PRPF8: variants seen among roughly 807,000 people sequenced by gnomAD.
PRPF8 encodes pre-mRNA processing factor 8, also known as pre-mRNA-processing-splicing factor 8.
Under a neutral mutation model 285.9 loss-of-function variants are expected in PRPF8, and 64 were observed. That is an observed-to-expected ratio of 0.22 (90% confidence interval 0.18 to 0.28). The LOEUF is 0.28. PRPF8 is among the 10% of genes least tolerant of loss of function. The probability of loss-of-function intolerance (pLI) is 1.00; values close to 1 mark genes in which losing one functional copy is unlikely to be tolerated. For synonymous variants in PRPF8, 1,325 were observed against 1,118.2 expected, an observed-to-expected ratio of 1.18 and a Z score of -3.69; for missense variants, 1,426 against 3,026.7, an observed-to-expected ratio of 0.47 and a Z score of 12.41.
rs1912809696 is a variant in PRPF8, at chr17:1,679,788, T to C, written c.1110A>G (p.Pro370=). 1 of 1,614,150 alleles carries C rather than the reference T, an allele frequency of 6.2e-7. No homozygotes were observed. Among genetic ancestry groups the C allele is most frequent in the Non-Finnish European group, 8.5e-7 (1 of 1,180,038 alleles). ...SHRHSVKSQE[P]LPDDDEEFEL... ...CAAATTCCTCATCATCATCCGGCAA[T>C]GGTTCCTGGCTCTGAAAAAGGAATC... The change falls in exon 9 of 43, where the codon CCA becomes CCG. Residue 370 remains proline (P), a synonymous_variant. Coordinates refer to ENST00000304992, the MANE Select transcript of PRPF8 (RefSeq NM_006445.4). This position sits in a 1 kb window ranked among gnomAD's most constrained non-coding sequence, Gnocchi z 4.7.
rs1050576319 is a variant in PRPF8 at position 1,659,120 on chromosome 17, G to T, written c.5138+237C>A. The T allele has an allele frequency of 2.9e-5, 19 of 645,192 alleles. No homozygotes were observed. Among genetic ancestry groups the T allele is most frequent in the Non-Finnish European group, 4.7e-5 (17 of 362,384 alleles). 40.0% of individuals were successfully genotyped at this position (645,192 alleles called of 1,614,324 possible). A position where few individuals can be genotyped will look rare whatever the true frequency, so the allele number is the denominator to read the frequency against. On this transcript the variant is annotated intron_variant, in intron 32 of 42. Transcript: ENST00000304992. The surrounding 1 kb of genome is among the most constrained non-coding windows in gnomAD (Gnocchi z 5.1). ...GGTTCACTGCAAGCTCCGCCTCCCG[G>T]GTTCAAGTAATTCTCCCACCTCAAC...
rs371623663 is a variant in PRPF8, at chr17:1,680,839, G to C, written c.993-8C>G. The C allele has an allele frequency of 6.2e-7, 1 of 1,613,854 alleles. No homozygotes were observed. The highest frequency in any genetic ancestry group is 1.3e-5 in the African/African-American group (1 of 74,902). On this transcript the variant is annotated splice_polypyrimidine_tract_variant and splice_region_variant and intron_variant, in intron 7 of 42. Transcript: ENST00000304992. ...ACATTGGGAGTATGGTACCTAAAAT[G>C]AAAGGAAGAGTCAGCCAAAGTTTTC...
Position 1,683,685 on chromosome 17 carries a change from T to C in PRPF8, c.117A>G (p.Gln39=), listed in dbSNP as rs770631271. 59 of 1,613,920 alleles carry C rather than the reference T, an allele frequency of 3.7e-5. No individual in the cohort carries two copies. Among genetic ancestry groups the C allele is most frequent in the Non-Finnish European group, 4.7e-5 (56 of 1,180,014 alleles). ...TTTCTGCATAGCGCTTGGCCTGCAATTGCTGCCATTTTCGAGCTGGAAAGG... is the reference window on the plus strand; with the variant it reads ...TTTCTGCATAGCGCTTGGCCTGCAACTGCTGCCATTTTCGAGCTGGAAAGG... ...KLQEKARKWQ[Q]LQAKRYAEKR... The change falls in exon 3 of 43, where the codon CAA becomes CAG. Residue 39 remains glutamine (Q), a synonymous_variant. Transcript: ENST00000304992.
chr17:1,661,065 C>T lies in PRPF8; in HGVS notation c.4436G>A (p.Gly1479Asp). The change falls in exon 28 of 43, where the codon GGC (glycine) becomes GAC (aspartate). Residue 1479 changes from glycine (G) to aspartate (D), a missense_variant. Around this residue, in one of 34 missense-constraint regions of PRPF8, gnomAD observed 23 missense variants for 43.6 expected, o/e 0.53. Transcript: ENST00000304992. The surrounding 1 kb of genome is among the most constrained non-coding windows in gnomAD (Gnocchi z 7.3). ...GTGTTCCAGAATGCCTTCCACACCGCCCAGGGCCTGGATCATGTCTGTACG... is the reference window on the plus strand; with the variant it reads ...GTGTTCCAGAATGCCTTCCACACCGTCCAGGGCCTGGATCATGTCTGTACG... ...NYRTDMIQAL[G>D]GVEGILEHTL... 2 of 1,614,208 alleles carry T rather than the reference C, an allele frequency of 1.2e-6. No individual in the cohort carries two copies. The highest frequency in any genetic ancestry group is 1.7e-6 in the Non-Finnish European group (2 of 1,180,050).
chr17:1,662,215 A>C, intron 24 of PRPF8, 62 bp from the exon 25 acceptor site: 1 of 1,578,624 alleles, frequency 6.3e-7, no homozygotes, highest in Non-Finnish European at 8.7e-7. Context: ...GGTGGAGACT[A>C]CTTGATGCAG....
In PRPF8 at chr17:1,660,486, G is replaced by C. The variant is rs760867588; in HGVS notation, c.4731C>G (p.Phe1577Leu). The change falls in exon 30 of 43, where the codon TTC (phenylalanine) becomes TTG (leucine). Residue 1577 changes from phenylalanine (F) to leucine (L), a missense_variant. By Grantham distance (22) the Phe-to-Leu change is conservative (BLOSUM62 0). Around this residue, in one of 34 missense-constraint regions of PRPF8, gnomAD observed 15 missense variants for 63.7 expected, o/e 0.24. Coordinates refer to ENST00000304992, the MANE Select transcript of PRPF8 (RefSeq NM_006445.4). ...PTLKISLIQI[F>L]RAHLWQKIHE... is the part of the protein sequence containing the mutation. ...GGATCTTCTGCCACAAGTGAGCTCGGAAGATCTGGATGAGAGAGATCTTCA... is the reference window on the plus strand; with the variant it reads ...GGATCTTCTGCCACAAGTGAGCTCGCAAGATCTGGATGAGAGAGATCTTCA... 6.2e-7 allele frequency: 1 copy of C among 1,614,096 alleles called. No individual in the cohort carries two copies. The highest frequency in any genetic ancestry group is 8.5e-7 in the Non-Finnish European group (1 of 1,180,048).
chr17:1,653,659 G>A lies in PRPF8; in HGVS notation c.6252C>T (p.His2084=). The A allele has an allele frequency of 1.2e-6, 2 of 1,614,140 alleles. No homozygotes were observed. The highest frequency in any genetic ancestry group is 1.7e-6 in the Non-Finnish European group (2 of 1,180,032). ...RVRAISAANL[H]LRTNHIYVSS... is the part of the protein sequence containing the mutation. ...AAACATAGATGTGATTGGTCCTTAG[G>A]TGCAGGTTGGCAGCAGAGATGGCCC... The change falls in exon 39 of 43, where the codon CAC becomes CAT. Residue 2084 remains histidine (H), a synonymous_variant. Transcript: ENST00000304992. The surrounding 1 kb of genome is among the most constrained non-coding windows in gnomAD (Gnocchi z 4.9).
Position 1,676,099 on chromosome 17 carries a change from G to T in PRPF8, c.2553-45C>A. On this transcript the variant is annotated intron_variant, in intron 17 of 42. Coordinates refer to ENST00000304992, the MANE Select transcript of PRPF8 (RefSeq NM_006445.4). The surrounding 1 kb of genome is among the most constrained non-coding windows in gnomAD (Gnocchi z 6.3). Reference sequence around the variant, plus strand: ...GGGTGAATGGGAAAACTAGGAGGAAGTAAAACCAGGAAAGACTGGGGCTAC... The same window carrying T: ...GGGTGAATGGGAAAACTAGGAGGAATTAAAACCAGGAAAGACTGGGGCTAC... The T allele has an allele frequency of 6.2e-7, 1 of 1,612,340 alleles. No individual in the cohort carries two copies. Among genetic ancestry groups the T allele is most frequent in the Non-Finnish European group, 8.5e-7 (1 of 1,179,964 alleles).
intron 8 of PRPF8, chr17:1,680,486 A>G (rs368942314): frequency 1.1e-4 from 66 of 597,074 alleles, no homozygotes; most frequent in East Asian, 1.1e-3. Context: ...ACCGGGACAG[A>G]TTATCTAGAG....
At position 1,656,199 on chromosome 17, in the gene PRPF8, G is replaced by C. The variant is rs574317084; in HGVS notation, c.5793+193C>G. 2.7e-5 allele frequency among the ~76,000 whole-genome samples: 4 copies of C among 147,204 alleles called. No individual in the cohort carries two copies. The East Asian group carries it at 8.4e-4, about 31-fold the overall frequency. Reference sequence around the variant, plus strand: ...CAGCCTCCCAAAGTGCTGGGATTACGGGCGTGAGCCACCACGCCCGGCCCC... The same window carrying C: ...CAGCCTCCCAAAGTGCTGGGATTACCGGCGTGAGCCACCACGCCCGGCCCC... On this transcript the variant is annotated intron_variant, in intron 36 of 42. Coordinates refer to ENST00000304992, the MANE Select transcript of PRPF8 (RefSeq NM_006445.4).
chr17:1,683,588 C>T lies in PRPF8; in HGVS notation c.214G>A (p.Asp72Asn). ...TTCCTGTTGGTCATGTCTCCATGGT[C>T]TCGAATGATCTTCCTGACATGTTCT... ...PPEHVRKIIR[D>N]HGDMTNRKFR... Residue 72 changes from aspartate (D) to asparagine (N), a missense_variant, in exon 3 of 43, where the codon GAC becomes AAC. This residue lies in a region of PRPF8 where 96 missense variants were observed against 188.3 expected (regional missense o/e 0.51). Coordinates refer to ENST00000304992, the MANE Select transcript of PRPF8 (RefSeq NM_006445.4). The T allele has an allele frequency of 1.2e-6, 2 of 1,614,188 alleles. No individual in the cohort carries two copies. The highest frequency in any genetic ancestry group is 1.7e-6 in the Non-Finnish European group (2 of 1,180,036).
In PRPF8 at chr17:1,650,774, G is replaced by A. The variant is rs1002769236; in HGVS notation, c.*28C>T. The A allele has an allele frequency of 2.5e-6, 4 of 1,613,152 alleles. No individual in the cohort carries two copies. The African/African-American group carries it at 5.3e-5, about 22-fold the overall frequency. ...GGAGGGGCTGAGGCTTCGGCCTCGG[G>A]AGGCTGAAGCAGGAGGCAGGGAAAC... On this transcript the variant is annotated 3_prime_UTR_variant, in exon 43 of 43. Coordinates refer to ENST00000304992, the MANE Select transcript of PRPF8 (RefSeq NM_006445.4).
chr17:1,660,534 G>A lies in PRPF8; in HGVS notation c.4683C>T (p.Phe1561=). 1 of 1,614,210 alleles carries A rather than the reference G, an allele frequency of 6.2e-7. No individual in the cohort carries two copies. The highest frequency in any genetic ancestry group is 8.5e-7 in the Non-Finnish European group (1 of 1,180,030). ...TCAGCGTGGGGATCTTGCCGTGCATGAAGATACCCGTCAGGTCTAGCTGCA... is the reference window on the plus strand; with the variant it reads ...TCAGCGTGGGGATCTTGCCGTGCATAAAGATACCCGTCAGGTCTAGCTGCA... ...FQVQLDLTGI[F]MHGKIPTLKI... is the part of the protein sequence containing the mutation. The change falls in exon 30 of 43, where the codon TTC becomes TTT. Residue 1561 remains phenylalanine, a synonymous_variant. Coordinates refer to ENST00000304992, the MANE Select transcript of PRPF8 (RefSeq NM_006445.4).
At position 1,675,982 on chromosome 17, in the gene PRPF8, G is replaced by T; in HGVS notation, c.2625C>A (p.His875Gln). ...GACGCTTGATGCGGGACAGCGCCTC[G>T]TGGGGGTTATCGTAGGCCTGCTCGA... ...GLIEQAYDNP[H>Q]EALSRIKRHL... is the part of the protein sequence containing the mutation. The change falls in exon 18 of 43, where the codon CAC (histidine) becomes CAA (glutamine). Residue 875 changes from histidine (H) to glutamine (Q), a missense_variant. Around this residue, in one of 34 missense-constraint regions of PRPF8, gnomAD observed 70 missense variants for 273.7 expected, o/e 0.26. Coordinates refer to ENST00000304992, the MANE Select transcript of PRPF8 (RefSeq NM_006445.4). The surrounding 1 kb of genome is among the most constrained non-coding windows in gnomAD (Gnocchi z 6.0). 1 of 1,614,012 alleles carries T rather than the reference G, an allele frequency of 6.2e-7. No homozygotes were observed. The highest frequency in any genetic ancestry group is 8.5e-7 in the Non-Finnish European group (1 of 1,180,020).
intron 24 of PRPF8, 76 bp from the exon 25 acceptor site, chr17:1,662,229 G>A: frequency 1.3e-6 from 2 of 1,511,204 alleles, no homozygotes; most frequent in Non-Finnish European, 1.8e-6. Context: ...GATGCAGTTA[G>A]TTTTATCCCT....
At chr17:1,660,945 G>A in intron 28 of PRPF8, 48 bp downstream of exon 28, 1 of 1,612,724 alleles carries the variant, frequency 6.2e-7, no homozygotes, top group Non-Finnish European at 8.5e-7. Flanking sequence ...TACAAGAGAT[G>A]AGCTCAAAGG....
intron 14 of PRPF8, 108 bp from the exon 15 acceptor site, chr17:1,677,280 T>C: frequency 1.7e-6 from 2 of 1,205,422 alleles, no homozygotes; most frequent in African/African-American, 1.5e-5. Flanking sequence ...AAATTAGGTA[T>C]TAACAAAGCG....
chr17:1,655,217 C>G, intron 37 of PRPF8, 133 bp downstream of exon 37: 1 of 1,009,920 alleles, frequency 9.9e-7, no homozygotes, highest in Non-Finnish European at 1.5e-6. Flanking sequence ...CTTGGCCTCC[C>G]AAAGTGCTGG....
intron 13 of PRPF8, chr17:1,678,298 GAGAA>G (rs1912720099): frequency 1.6e-5 from 9 of 563,076 alleles, no homozygotes; most frequent in East Asian, 3.3e-5. Flanking sequence ...TGGGGCAACA[GAGAA>G]AGACTCAGTT....
Sources: allele counts gnomAD v4.1 joint callset (sites outside exome capture counted in the v4.1 genomes callset), GRCh38; gene constraint gnomAD v4.1.1; regional missense constraint gnomAD v4.1.1; non-coding constraint Gnocchi (gnomAD v3.1); transcripts MANE v1.5; gene names NCBI Gene and HGNC (gene_info 2026-07-23, HGNC 2026-07-21).